The following DOK7 variants were observed in gnomAD, a reference collection of about 807,000 sequenced individuals.
DOK7 encodes protein Dok-7.
In DOK7, 32 loss-of-function variants were observed where a neutral mutation model predicts 30.7. The ratio of observed to expected loss-of-function variants is 1.04; its 90% CI spans 0.79 to 1.40. The LOEUF is 1.40. Among genes scored for constraint, DOK7 ranks in the 40% most tolerant of loss-of-function variants. The probability of loss-of-function intolerance (pLI) is 0.00; values close to 1 mark genes in which losing one functional copy is unlikely to be tolerated. For synonymous variants in DOK7, 447 were observed against 324.1 expected (o/e 1.38, Z -4.07); for missense variants, 1,007 against 699.2 (o/e 1.44, Z -4.97).
intron 7 of DOK7, chr4:3,500,549 C>A: frequency 1.4e-6 from 2 of 1,479,450 alleles, no homozygotes; most frequent in Non-Finnish European, 1.8e-6. Context: ...TCCCCAACTC[C>A]ATCCCTGGCC....
At position 3,493,120 on chromosome 4, in the gene DOK7, G is replaced by C. The variant is rs6831659; in HGVS notation, c.1134G>C (p.Ala378=). 1.8e-5 allele frequency: 29 copies of C among 1,590,860 alleles called. No individual in the cohort carries two copies. The East Asian group carries it at 6.4e-4, about 35-fold the overall frequency. ...ELGSLLSLPA[A]GAPEPSLCTC... ...GCTCACTGCTCAGCCTGCCAGCAGCGGGGGCCCCCGAGCCCAGCCTGTGCA... is the reference window on the plus strand; with the variant it reads ...GCTCACTGCTCAGCCTGCCAGCAGCCGGGGCCCCCGAGCCCAGCCTGTGCA... The change falls in exon 7 of 7, where the codon GCG becomes GCC. Residue 378 remains alanine (A), a synonymous_variant. Coordinates refer to ENST00000340083, the MANE Select transcript of DOK7 (RefSeq NM_173660.5).
At chr4:3,480,753 C>A (rs1727395742) in intron 4 of DOK7, among the ~76,000 whole-genome samples, 1 of 152,260 alleles carries the variant, frequency 6.6e-6, no homozygotes, top group African/African-American at 2.4e-5. Flanking sequence ...CTGGCTGGAA[C>A]CCTGGCCTCT....
downstream of DOK7, among the ~76,000 whole-genome samples, chr4:3,495,462 G>A (rs374829661): frequency 4.6e-5 from 7 of 152,342 alleles, no homozygotes; most frequent in South Asian, 4.1e-4. Flanking sequence ...CTTGCCTGGC[G>A]GGGCTGGGCC....
At chr4:3,489,856 C>A in intron 6 of DOK7, 60 bp downstream of exon 6, 1 of 1,544,114 alleles carries the variant, frequency 6.5e-7, no homozygotes, top group Admixed American at 1.9e-5. Context: ...CAGGAGAGCT[C>A]AGGAGGCATC....
At chr4:3,500,346 A>C in exon 7 of DOK7, 1 of 1,535,900 alleles carries the variant, frequency 6.5e-7, no homozygotes, top group Non-Finnish European at 8.7e-7. Flanking sequence ...CCCATCCTCC[A>C]GAAAGCAGCT....
intron 2 of DOK7, among the ~76,000 whole-genome samples, chr4:3,468,962 C>A (rs1401938370): frequency 7.4e-6 from 1 of 134,414 alleles, no homozygotes; most frequent in African/African-American, 2.9e-5. Context: ...AGTGTGGTGC[C>A]TGTATGAGTG....
rs750316917 is a variant in DOK7, at chr4:3,485,536, C to T, written c.533-3C>T. ...CTGACCTGTCTCTGTCCTTCCTCTG[C>T]AGGGGCTGGCGTCTTCTTCCTGTCC... On this transcript the variant is annotated splice_region_variant and splice_polypyrimidine_tract_variant and intron_variant, in intron 4 of 6. Transcript: ENST00000340083. 6.9e-6 allele frequency: 11 copies of T among 1,598,028 alleles called. No homozygotes were observed. The East Asian group carries it at 2.5e-4, about 37-fold the overall frequency.
chr4:3,489,833 G>A lies in DOK7; in HGVS notation c.772+37G>A, dbSNP rs139753457. ...GGCTGACCTGGGCTGTGGGACCTCG[G>A]CTAAGCCTCCAGCAGGAGAGCTCAG... On this transcript the variant is annotated intron_variant, in intron 6 of 6. Transcript: ENST00000340083. The A allele has an allele frequency of 3.0e-3, 4,610 of 1,558,414 alleles. 12 individuals are homozygous for A. The highest frequency in any genetic ancestry group is 3.8e-3 in the Middle Eastern group (23 of 5,978).
At chr4:3,471,046 G>A (rs181418179) in intron 2 of DOK7, among the ~76,000 whole-genome samples, 38 of 152,368 alleles carry the variant, frequency 2.5e-4, no homozygotes, top group African/African-American at 9.1e-4. Context: ...CCCTCGAGGT[G>A]GAAGGTGGTG....
At chr4:3,496,007 C>T (rs1469179086), downstream of DOK7, among the ~76,000 whole-genome samples, 1 of 152,188 alleles carries the variant, frequency 6.6e-6, no homozygotes, top group Non-Finnish European at 1.5e-5. Flanking sequence ...CCTCCCAGCC[C>T]CCACCCACGA....
At chr4:3,488,177 C>G (rs1187002500) in intron 5 of DOK7, among the ~76,000 whole-genome samples, 1 of 152,232 alleles carries the variant, frequency 6.6e-6, no homozygotes. Context: ...GCCACAGGGT[C>G]TTGGGCTGGC....
At position 3,463,564 on chromosome 4, in the gene DOK7, GGCGGGGGACGGGGGGC is replaced by G; in HGVS notation, c.100+21_100+36del. The G allele has an allele frequency of 6.6e-7, 1 of 1,515,740 alleles. No individual in the cohort carries two copies. The highest frequency in any genetic ancestry group is 8.8e-7 in the Non-Finnish European group (1 of 1,134,092). The allele number at this position is 1,515,740 out of a possible 1,614,324, so 93.9% of individuals were successfully genotyped here. A position where few individuals can be genotyped will look rare whatever the true frequency, so the allele number is the denominator to read the frequency against. ...TCGCCCGTGGCAGGTGAGCGGGGCG[GGCGGGGGACGGGGGGC>G]GCGGGGGTAGCGACACGGGTTACCG... On this transcript the variant is annotated intron_variant, in intron 2 of 6. Coordinates refer to ENST00000340083, the MANE Select transcript of DOK7 (RefSeq NM_173660.5).
intron 6 of DOK7, among the ~76,000 whole-genome samples, 166 bp downstream of exon 6, chr4:3,489,962 G>GCTACTCATTC (rs1728096558): frequency 1.8e-5 from 1 of 55,056 alleles, no homozygotes; most frequent in African/African-American, 7.8e-5. Flanking sequence ...CGCCCCGCCC[G>GCTACTCATTC]CTACTCATTC....
At chr4:3,478,261 T>C (rs73793927) in intron 4 of DOK7, among the ~76,000 whole-genome samples, 11,270 of 152,228 alleles carry the variant, frequency 0.074, 804 homozygotes, top group African/African-American at 0.18. Flanking sequence ...ATGGGGACAC[T>C]GGATGTTTTT....
downstream of DOK7, among the ~76,000 whole-genome samples, chr4:3,499,111 C>A (rs757630869): frequency 2.0e-5 from 3 of 152,202 alleles, no homozygotes; most frequent in Admixed American, 6.5e-5. Flanking sequence ...CAGCGGGTGG[C>A]CACAGGAGAA....
intron 5 of DOK7, among the ~76,000 whole-genome samples, 177 bp from the exon 6 acceptor site, chr4:3,489,500 T>A (rs1728032659): frequency 6.6e-6 from 1 of 151,710 alleles, no homozygotes; most frequent in South Asian, 2.1e-4. Context: ...AGGGGTGGTG[T>A]GGGTGTCTGC....
intron 4 of DOK7, chr4:3,484,637 A>G: frequency 1.0e-6 from 1 of 985,482 alleles, no homozygotes; most frequent in South Asian, 4.7e-5. Context: ...TGGCGGCTGC[A>G]TCGCTCTGCC....
In DOK7 at chr4:3,493,166, G is replaced by A. The variant is rs751691265; in HGVS notation, c.1180G>A (p.Glu394Lys). The A allele has an allele frequency of 2.8e-5, 45 of 1,607,502 alleles. No homozygotes were observed. Among genetic ancestry groups the A allele is most frequent in the Middle Eastern group, 1.6e-4 (1 of 6,082 alleles). ...SLCTCLPGTV[E>K]YQVPTSLRAH... is the part of the protein sequence containing the mutation. ...GTGCACCTGCCTGCCCGGGACAGTC[G>A]AGTACCAGGTGCCCACCTCCCTGCG... is the stretch of plus-strand genomic sequence containing the variant. Residue 394 changes from glutamate (E) to lysine (K), a missense_variant, in exon 7 of 7, where the codon GAG (glutamate) becomes AAG (lysine). Physicochemically the swap from Glu to Lys is moderately conservative, Grantham distance 56. Coordinates refer to ENST00000340083, the MANE Select transcript of DOK7 (RefSeq NM_173660.5).
chr4:3,473,324 C>T, intron 2 of DOK7, 82 bp from the exon 3 acceptor site: 2 of 1,411,282 alleles, frequency 1.4e-6, no homozygotes, highest in Non-Finnish European at 9.8e-7. Context: ...CGGGTCTCTG[C>T]ACTGTCACGG....
Sources: gnomAD v4.1 joint callset for allele counts (sites outside exome capture counted in the v4.1 genomes callset) on GRCh38, gnomAD v4.1.1 for gene constraint, MANE v1.5 for transcripts, NCBI Gene and HGNC (gene_info 2026-07-23, HGNC 2026-07-21) for gene names.